Variants in TMEM255B observed in about 807,000 individuals in gnomAD.
TMEM255B encodes transmembrane protein 255B.
TMEM255B carries 35 observed loss-of-function variants against 34.5 expected under a neutral mutation model. The observed-to-expected ratio is 1.01, with a 90% CI of 0.77 to 1.34. The LOEUF (loss-of-function observed/expected upper bound fraction) is 1.34, where lower values mean the gene tolerates loss of function less well. Among genes scored for constraint, TMEM255B ranks in the 40% most tolerant of loss-of-function variants. TMEM255B has a pLI of 0.00. For missense variants in TMEM255B, 432 were observed against 433.2 expected, an observed-to-expected ratio of 1.00 and a Z score of 0.02; for synonymous variants, 206 against 201.2, an observed-to-expected ratio of 1.02 and a Z score of -0.20.
chr13:113,768,706 C>T (rs1416552740), intron 2 of TMEM255B, among the ~76,000 whole-genome samples: 2 of 152,198 alleles, frequency 1.3e-5, no homozygotes, highest in Non-Finnish European at 2.9e-5. Context: ...GCTGTAGTTC[C>T]CTAATACCTT....
intron 3 of TMEM255B, among the ~76,000 whole-genome samples, chr13:113,792,859 C>T (rs899257722): frequency 2.6e-5 from 4 of 152,222 alleles, no homozygotes; most frequent in Non-Finnish European, 5.9e-5. Context: ...TTTAGGCAAT[C>T]GATGATAAAA....
intron 7 of TMEM255B, among the ~76,000 whole-genome samples, chr13:113,804,033 C>T (rs970710903): frequency 1.9e-5 from 2 of 105,422 alleles, no homozygotes; most frequent in Non-Finnish European, 4.0e-5. Flanking sequence ...GCTGCTGAAC[C>T]TGGGGGTGGG....
intron 6 of TMEM255B, among the ~76,000 whole-genome samples, 158 bp from the exon 7 acceptor site, chr13:113,801,495 G>T (rs1217696567): frequency 6.6e-6 from 1 of 152,226 alleles, no homozygotes; most frequent in African/African-American, 2.4e-5. Context: ...TCAGACATAG[G>T]TTTGATCTCC....
intron 3 of TMEM255B, among the ~76,000 whole-genome samples, chr13:113,793,816 G>A (rs1325135680): frequency 6.6e-6 from 1 of 152,234 alleles, no homozygotes; most frequent in Non-Finnish European, 1.5e-5. Flanking sequence ...GGCTCTGATG[G>A]GGCTTCCAGG....
chr13:113,808,088 A>C (rs553734103), intron 8 of TMEM255B, among the ~76,000 whole-genome samples: 22 of 152,302 alleles, frequency 1.4e-4, no homozygotes, highest in Admixed American at 1.1e-3. Context: ...GATGAGGCTC[A>C]TGTGCTCCTC....
At position 113,802,354 on chromosome 13, in the gene TMEM255B, T is replaced by A. The variant is rs749878903; in HGVS notation, c.669+542T>A. On this transcript the variant is annotated intron_variant, in intron 7 of 8. Coordinates refer to ENST00000375353, the MANE Select transcript of TMEM255B (RefSeq NM_182614.4). ...GGCCGGATGTCCTCTCTCTTCTCCC[T>A]CCTCTGCCCTCTCCTGGCGCCTGTT... 5.9e-5 allele frequency among the ~76,000 whole-genome samples: 9 copies of A among 152,146 alleles called. No homozygotes were observed. The South Asian group carries it at 6.2e-4, about 11-fold the overall frequency.
intron 4 of TMEM255B, 64 bp downstream of exon 4, chr13:113,795,301 G>A: frequency 3.9e-6 from 6 of 1,532,558 alleles, no homozygotes; most frequent in Non-Finnish European, 5.4e-6. Context: ...CGTGAAAAAA[G>A]TACAATTTCA....
intron 3 of TMEM255B, among the ~76,000 whole-genome samples, chr13:113,776,889 G>A (rs949956893): frequency 2.6e-5 from 4 of 152,074 alleles, no homozygotes; most frequent in African/African-American, 4.8e-5. Flanking sequence ...CATCCCTGAC[G>A]CCCACCCACA....
At chr13:113,807,777 C>T (rs996753006) in intron 8 of TMEM255B, among the ~76,000 whole-genome samples, 14 of 121,130 alleles carry the variant, frequency 1.2e-4, no homozygotes, top group South Asian at 5.5e-4. Flanking sequence ...CGCAGGCTTA[C>T]GGGATGTGGG....
In TMEM255B at chr13:113,814,698, G is replaced by A. The variant is rs1459524369; in HGVS notation, c.*2795G>A. 6.6e-6 allele frequency: 1 copy of A among 152,180 alleles called. No individual in the cohort carries two copies. Among genetic ancestry groups the A allele is most frequent in the Non-Finnish European group, 1.5e-5 (1 of 68,092 alleles). 9.4% of individuals were successfully genotyped at this position (152,180 alleles called of 1,614,324 possible). On this transcript the variant is annotated 3_prime_UTR_variant, in exon 9 of 9. Coordinates refer to ENST00000375353, the MANE Select transcript of TMEM255B (RefSeq NM_182614.4). ...ACCAAGCTCTGCCAGCCTGAGTCACGGTCTGATGAACCCCCTCTCTGGGCT... is the reference window on the plus strand; with the variant it reads ...ACCAAGCTCTGCCAGCCTGAGTCACAGTCTGATGAACCCCCTCTCTGGGCT...
rs201507938 is a variant in TMEM255B, at chr13:113,766,259, T to G, written c.189+2T>G. 4.3e-6 allele frequency: 7 copies of G among 1,613,962 alleles called. No individual in the cohort carries two copies. The highest frequency in any genetic ancestry group is 5.9e-6 in the Non-Finnish European group (7 of 1,179,904). On this transcript the variant is annotated splice_donor_variant, in intron 2 of 8. Transcript: ENST00000375353. LOFTEE classifies it high-confidence loss of function. ...GGGGGCTACTACCCAGGGATCATTG[T>G]GAGTGCGCCGGGCGGGCGGCCTGGG...
chr13:113,811,658 G>A, intron 8 of TMEM255B, 78 bp from the exon 9 acceptor site: 1 of 1,552,950 alleles, frequency 6.4e-7, no homozygotes, highest in Middle Eastern at 2.3e-4. Context: ...GAGTGGCCCT[G>A]GTATATGTCA....
Position 113,801,722 on chromosome 13 carries a change from C to T in TMEM255B, c.579C>T (p.Tyr193=). The T allele has an allele frequency of 1.2e-6, 2 of 1,613,004 alleles. No individual in the cohort carries two copies. Among genetic ancestry groups the T allele is most frequent in the Non-Finnish European group, 1.7e-6 (2 of 1,179,756 alleles). The part of the protein sequence containing the change: ...VSGCQDVLHL[Y]RLLWASAVLN... ...GCTGCCAGGACGTGCTGCACCTGTACCGCCTGCTCTGGGCCTCTGCAGTTC... is the reference window on the plus strand; with the variant it reads ...GCTGCCAGGACGTGCTGCACCTGTATCGCCTGCTCTGGGCCTCTGCAGTTC... Residue 193 remains tyrosine, a synonymous_variant, in exon 7 of 9, where the codon TAC becomes TAT. Coordinates refer to ENST00000375353, the MANE Select transcript of TMEM255B (RefSeq NM_182614.4).
At chr13:113,804,108 G>C (rs1253151798) in intron 7 of TMEM255B, among the ~76,000 whole-genome samples, 2 of 152,184 alleles carry the variant, frequency 1.3e-5, no homozygotes, top group African/African-American at 2.4e-5. Flanking sequence ...GGGTGCCCTC[G>C]GCCCAGTCCC....
intron 3 of TMEM255B, among the ~76,000 whole-genome samples, chr13:113,785,721 T>G (rs1423436588): frequency 6.6e-6 from 1 of 152,218 alleles, no homozygotes; most frequent in Non-Finnish European, 1.5e-5. Context: ...GACCCCACTC[T>G]GGACGTGACT....
intron 8 of TMEM255B, among the ~76,000 whole-genome samples, chr13:113,810,391 A>G (rs1305900239): frequency 6.6e-6 from 1 of 152,220 alleles, no homozygotes; most frequent in East Asian, 1.9e-4. Context: ...TTGGAGAAAA[A>G]CTAGAATGTA....
intron 4 of TMEM255B, among the ~76,000 whole-genome samples, chr13:113,797,052 C>T (rs1361472204): frequency 6.6e-6 from 1 of 152,250 alleles, no homozygotes; most frequent in Non-Finnish European, 1.5e-5. Context: ...GTGGTTTCCA[C>T]TGTGCTCCAG....
chr13:113,799,865 G>T (rs1026003450), intron 5 of TMEM255B: 19 of 959,588 alleles, frequency 2.0e-5, no homozygotes, highest in Middle Eastern at 2.4e-4. Context: ...CGCCGCCTTC[G>T]CCAGGACCGT....
At chr13:113,786,180 A>G (rs1282873382) in intron 3 of TMEM255B, among the ~76,000 whole-genome samples, 3 of 152,044 alleles carry the variant, frequency 2.0e-5, no homozygotes, top group South Asian at 4.1e-4. Context: ...CACAGTCTTT[A>G]CTATCCCCGC....
Sources: allele counts gnomAD v4.1 joint callset (sites outside exome capture counted in the v4.1 genomes callset), GRCh38; gene constraint gnomAD v4.1.1; transcripts MANE v1.5; gene names NCBI Gene and HGNC (gene_info 2026-07-23, HGNC 2026-07-21).